The following AUTS2 variants were observed in gnomAD, a reference collection of about 807,000 sequenced individuals.
The protein encoded by AUTS2 is autism susceptibility gene 2 protein.
Under a neutral mutation model 112.4 loss-of-function variants are expected in AUTS2, and 17 were observed. The observed-to-expected ratio is 0.15, with a 90% CI of 0.10 to 0.23. The LOEUF is 0.23. Ranked by LOEUF, AUTS2 falls within the 10% of genes least tolerant of loss-of-function variation. AUTS2 has a pLI of 1.00. For synonymous variants in AUTS2, 751 were observed against 702.7 expected (o/e 1.07, Z -1.09); for missense variants, 1,510 against 1,701.6 (o/e 0.89, Z 1.98).
intron 6 of AUTS2, among the ~76,000 whole-genome samples, chr7:70,734,500 C>T (rs952977570): frequency 1.3e-5 from 2 of 151,978 alleles, no homozygotes; most frequent in African/African-American, 4.8e-5. Flanking sequence ...ACATTGTCCC[C>T]TCCCCCCTTT....
chr7:70,538,769 A>G (rs1251090503), intron 5 of AUTS2, among the ~76,000 whole-genome samples: 1 of 152,206 alleles, frequency 6.6e-6, no homozygotes, highest in Non-Finnish European at 1.5e-5. Flanking sequence ...GACCTTTCCC[A>G]TATTCCATTT....
At chr7:70,291,909 A>G (rs560498585) in intron 4 of AUTS2, 1 of 152,310 alleles carries the variant, frequency 6.6e-6, no homozygotes, top group Non-Finnish European at 1.5e-5. Context: ...GACTGCATAG[A>G]TGAAGTATAA....
chr7:70,227,702 G>A (rs547934549), intron 4 of AUTS2, among the ~76,000 whole-genome samples: 1 of 151,956 alleles, frequency 6.6e-6, no homozygotes, highest in Non-Finnish European at 1.5e-5. Context: ...TAACTCATTG[G>A]CTATTTAGAA....
intron 5 of AUTS2, among the ~76,000 whole-genome samples, chr7:70,659,543 G>A (rs1410498816): frequency 2.0e-5 from 3 of 152,138 alleles, no homozygotes; most frequent in African/African-American, 4.8e-5. Context: ...TTGTAACATA[G>A]GGGAATCACT....
At chr7:70,613,466 T>C (rs986592554) in intron 5 of AUTS2, among the ~76,000 whole-genome samples, 4 of 152,098 alleles carry the variant, frequency 2.6e-5, no homozygotes, top group Non-Finnish European at 5.9e-5. Flanking sequence ...AGGTGTGTTT[T>C]GTTAGGGATT....
At chr7:69,774,050 C>A (rs979938507) in intron 1 of AUTS2, among the ~76,000 whole-genome samples, 3 of 152,190 alleles carry the variant, frequency 2.0e-5, no homozygotes, top group African/African-American at 7.2e-5. Context: ...GATGATAGCG[C>A]CCTGGAGGAA....
At chr7:70,022,989 C>A (rs1452737070) in intron 2 of AUTS2, among the ~76,000 whole-genome samples, 1 of 152,038 alleles carries the variant, frequency 6.6e-6, no homozygotes, top group African/African-American at 2.4e-5. Flanking sequence ...ATAGCTGGAA[C>A]TACAGGCACA....
intron 2 of AUTS2, among the ~76,000 whole-genome samples, chr7:70,072,035 G>A (rs982360128): frequency 3.9e-5 from 6 of 152,186 alleles, no homozygotes; most frequent in African/African-American, 1.4e-4. Context: ...ATTACTTGGC[G>A]GCCTTTAACT....
At chr7:70,571,656 C>T (rs1801946224) in intron 5 of AUTS2, among the ~76,000 whole-genome samples, 1 of 152,218 alleles carries the variant, frequency 6.6e-6, no homozygotes, top group Middle Eastern at 3.2e-3. Flanking sequence ...AACTGGGCTT[C>T]CACTTCTCAG....
At chr7:70,685,463 ACT>A (rs1808421452) in intron 5 of AUTS2, among the ~76,000 whole-genome samples, 1 of 132,710 alleles carries the variant, frequency 7.5e-6, no homozygotes, top group Non-Finnish European at 1.6e-5. Flanking sequence ...ACAGAGCAAG[ACT>A]CTGTCTCAAA....
intron 2 of AUTS2, among the ~76,000 whole-genome samples, chr7:70,008,517 G>A (rs1799647901): frequency 6.6e-6 from 1 of 151,918 alleles, no homozygotes; most frequent in Non-Finnish European, 1.5e-5. Context: ...CCTGTGTATG[G>A]GTATGCCTAC....
At chr7:69,908,849 A>G (rs901549182) in intron 2 of AUTS2, among the ~76,000 whole-genome samples, 13 of 152,204 alleles carry the variant, frequency 8.5e-5, no homozygotes, top group Admixed American at 8.5e-4. Flanking sequence ...AGTAGGGAAC[A>G]TACAGAATAA....
intron 1 of AUTS2, among the ~76,000 whole-genome samples, chr7:69,892,170 ATTTT>A (rs35883320): frequency 2.4e-5 from 3 of 125,284 alleles, no homozygotes; most frequent in African/African-American, 2.9e-5. Flanking sequence ...AGTTTTGAGA[ATTTT>A]TTTTTTTTTT....
rs141090967 is a variant in AUTS2, at chr7:69,829,586, A to G, written c.310-69700A>G. ...AAAAGTGGGCAGAGGGTATGAACAG[A>G]CACTTCTCAAAAGAAGACATTTATG... On this transcript the variant is annotated intron_variant, in intron 1 of 18. Transcript: ENST00000342771. Among the ~76,000 whole-genome samples, 37 of 152,336 alleles carry G rather than the reference A, an allele frequency of 2.4e-4. No individual in the cohort carries two copies. The East Asian group carries it at 6.9e-3, about 29-fold the overall frequency.
intron 2 of AUTS2, among the ~76,000 whole-genome samples, chr7:70,000,912 C>T (rs192759457): frequency 4.6e-5 from 7 of 152,222 alleles, no homozygotes; most frequent in Admixed American, 1.3e-4. Flanking sequence ...GCCCATTGGC[C>T]GGGGCACCAA....
chr7:69,718,078 T>A (rs1798714754), intron 1 of AUTS2, among the ~76,000 whole-genome samples: 1 of 152,178 alleles, frequency 6.6e-6, no homozygotes, highest in African/African-American at 2.4e-5. Context: ...GCCGTTTATG[T>A]TGTTGGTTTG....
At chr7:69,734,936 A>G (rs183031042) in intron 1 of AUTS2, among the ~76,000 whole-genome samples, 58 of 152,306 alleles carry the variant, frequency 3.8e-4, no homozygotes, top group Non-Finnish European at 6.5e-4. Flanking sequence ...GTATTAAAAA[A>G]CAAATTTCAG....
chr7:69,688,326 C>A (rs1175178418), intron 1 of AUTS2, among the ~76,000 whole-genome samples: 1 of 152,180 alleles, frequency 6.6e-6, no homozygotes, highest in Non-Finnish European at 1.5e-5. Context: ...GAATGAGGTG[C>A]TGGAATAAAA....
chr7:69,872,038 A>C (rs549671338), intron 1 of AUTS2, among the ~76,000 whole-genome samples: 4 of 152,176 alleles, frequency 2.6e-5, no homozygotes, highest in Non-Finnish European at 4.4e-5. Flanking sequence ...TTTTCTACTC[A>C]TGGACATGTT....
Sources: gnomAD v4.1 joint callset for allele counts (sites outside exome capture counted in the v4.1 genomes callset) on GRCh38, gnomAD v4.1.1 for gene constraint, MANE v1.5 for transcripts, NCBI Gene and HGNC (gene_info 2026-07-23, HGNC 2026-07-21) for gene names.